Variants in SNTG2 observed in about 807,000 individuals in gnomAD.
The protein encoded by SNTG2 is gamma-2-syntrophin.
A neutral mutation model predicts 70.9 loss-of-function variants in SNTG2; 74 were observed. The ratio of observed to expected loss-of-function variants is 1.04; its 90% CI spans 0.86 to 1.27. The LOEUF (loss-of-function observed/expected upper bound fraction) is 1.27. SNTG2 is among the 50% of genes most tolerant of loss of function. SNTG2 has a pLI of 0.00. For missense variants in SNTG2, 717 were observed against 690.7 expected (o/e 1.04, Z -0.43); for synonymous variants, 278 against 273.8 (o/e 1.02, Z -0.15).
intron 1 of SNTG2, among the ~76,000 whole-genome samples, chr2:988,729 ATT>A: frequency 6.8e-6 from 1 of 147,988 alleles, no homozygotes; most frequent in African/African-American, 2.5e-5. Flanking sequence ...ATTTTATGGG[ATT>A]TTTTTTTTTG....
intron 8 of SNTG2, among the ~76,000 whole-genome samples, chr2:1,187,491 C>G (rs1447102017): frequency 6.6e-6 from 1 of 152,078 alleles, no homozygotes; most frequent in Non-Finnish European, 1.5e-5. Context: ...GCCTGCTGGC[C>G]CATCCCTTCA....
chr2:1,077,573 G>A (rs957602336), intron 1 of SNTG2, among the ~76,000 whole-genome samples: 10 of 152,184 alleles, frequency 6.6e-5, no homozygotes, highest in South Asian at 2.1e-4. Flanking sequence ...ATTTAGTTTC[G>A]AATATGGTAT....
chr2:1,203,243 A>G (rs1339885095), intron 8 of SNTG2, among the ~76,000 whole-genome samples: 1 of 152,196 alleles, frequency 6.6e-6, no homozygotes, highest in Non-Finnish European at 1.5e-5. Flanking sequence ...TTTCAAATAA[A>G]TAATATGTAC....
chr2:1,199,460 T>C (rs1206691441), intron 8 of SNTG2, among the ~76,000 whole-genome samples: 5 of 152,112 alleles, frequency 3.3e-5, no homozygotes, highest in African/African-American at 9.6e-5. Context: ...AAAATTGTAA[T>C]AAGACAAAGA....
At chr2:1,320,541 A>G (rs1486858548) in intron 16 of SNTG2, among the ~76,000 whole-genome samples, 1 of 150,684 alleles carries the variant, frequency 6.6e-6, no homozygotes, top group Non-Finnish European at 1.5e-5. Context: ...TCTCAAAAAA[A>G]AAAAAAAAAA....
At chr2:1,007,396 T>A (rs1659604744) in intron 1 of SNTG2, among the ~76,000 whole-genome samples, 1 of 152,196 alleles carries the variant, frequency 6.6e-6, no homozygotes, top group Non-Finnish European at 1.5e-5. Flanking sequence ...TTTGATGGAC[T>A]CACATTTAGA....
chr2:1,103,635 C>T (rs750232008), intron 4 of SNTG2, among the ~76,000 whole-genome samples: 3 of 152,164 alleles, frequency 2.0e-5, no homozygotes, highest in Non-Finnish European at 4.4e-5. Flanking sequence ...TGATCCTCCC[C>T]CTTTGGCCTC....
At chr2:1,337,978 G>A (rs1486250232) in intron 16 of SNTG2, among the ~76,000 whole-genome samples, 17 of 152,110 alleles carry the variant, frequency 1.1e-4, no homozygotes, top group Non-Finnish European at 1.2e-4. Flanking sequence ...CCCATTGCAC[G>A]GACATTTCTG....
chr2:1,110,081 A>C (rs1370144814), intron 4 of SNTG2, among the ~76,000 whole-genome samples: 1 of 152,038 alleles, frequency 6.6e-6, no homozygotes, highest in African/African-American at 2.4e-5. Context: ...TCTATAACCA[A>C]ATATATATAC....
At chr2:1,291,632 C>G (rs957141404) in intron 14 of SNTG2, among the ~76,000 whole-genome samples, 10 of 152,180 alleles carry the variant, frequency 6.6e-5, no homozygotes, top group African/African-American at 2.4e-4. Flanking sequence ...GTCTTGACAA[C>G]TTTGTTAGGA....
intron 4 of SNTG2, among the ~76,000 whole-genome samples, chr2:1,125,516 G>A (rs968773617): frequency 6.6e-6 from 1 of 151,904 alleles, no homozygotes; most frequent in African/African-American, 2.4e-5. Context: ...TAATATCTTG[G>A]TGTTAGTCAT....
chr2:1,068,240 G>A (rs754900910), intron 1 of SNTG2: 2 of 152,192 alleles, frequency 1.3e-5, no homozygotes, highest in African/African-American at 2.4e-5. Flanking sequence ...CAGGGCGCCC[G>A]TAACTGTGTC....
At chr2:1,052,572 C>T (rs1376258777) in intron 1 of SNTG2, among the ~76,000 whole-genome samples, 1 of 152,138 alleles carries the variant, frequency 6.6e-6, no homozygotes, top group Non-Finnish European at 1.5e-5. Context: ...TGTATTTCTG[C>T]TCTTATTTCC....
At position 1,246,763 on chromosome 2, in the gene SNTG2, T is replaced by C. The variant is rs141978617; in HGVS notation, c.889-564T>C. Among the ~76,000 whole-genome samples the C allele has an allele frequency of 2.2e-3, 330 of 152,244 alleles. 4 individuals are homozygous for C. The highest frequency in any genetic ancestry group is 7.3e-3 in the African/African-American group (303 of 41,548). On this transcript the variant is annotated intron_variant, in intron 11 of 16. Coordinates refer to ENST00000308624, the MANE Select transcript of SNTG2 (RefSeq NM_018968.4). Reference sequence around the variant, plus strand: ...TTCACTGAATTCTTAAATTGGATTATTATTTAAATGTTTTTGAATCATATT... The same window carrying C: ...TTCACTGAATTCTTAAATTGGATTACTATTTAAATGTTTTTGAATCATATT...
intron 6 of SNTG2, among the ~76,000 whole-genome samples, chr2:1,157,348 T>C (rs367714733): frequency 1.5e-4 from 23 of 152,172 alleles, no homozygotes; most frequent in African/African-American, 5.5e-4. Context: ...GCTTGTGCGC[T>C]GAATGCACCC....
chr2:1,298,621 T>C (rs954356816), intron 14 of SNTG2, among the ~76,000 whole-genome samples: 1 of 152,100 alleles, frequency 6.6e-6, no homozygotes, highest in African/African-American at 2.4e-5. Flanking sequence ...GGGTCCCTTC[T>C]TCCTCTGCCT....
At chr2:1,162,559 C>T (rs1670391982) in intron 6 of SNTG2, among the ~76,000 whole-genome samples, 1 of 152,150 alleles carries the variant, frequency 6.6e-6, no homozygotes, top group South Asian at 2.1e-4. Flanking sequence ...GGACAGTGGA[C>T]AGCGGAGGTC....
intron 1 of SNTG2, among the ~76,000 whole-genome samples, chr2:1,011,179 C>G (rs980132460): frequency 1.3e-5 from 2 of 152,224 alleles, no homozygotes; most frequent in Non-Finnish European, 2.9e-5. Context: ...AGCCACCATT[C>G]TGATCTAATC....
At chr2:1,229,389 A>G (rs1167357647) in intron 9 of SNTG2, among the ~76,000 whole-genome samples, 1 of 152,206 alleles carries the variant, frequency 6.6e-6, no homozygotes, top group Non-Finnish European at 1.5e-5. Context: ...GTGCATTCAC[A>G]AACCCTGAGC....
Sources: gnomAD v4.1 joint callset for allele counts (sites outside exome capture counted in the v4.1 genomes callset) on GRCh38, gnomAD v4.1.1 for gene constraint, MANE v1.5 for transcripts, NCBI Gene and HGNC (gene_info 2026-07-23, HGNC 2026-07-21) for gene names.